Variants in MROH9 observed in about 807,000 individuals in gnomAD.
The protein encoded by MROH9 is maestro heat-like repeat-containing protein family member 9.
Under a neutral mutation model 98.2 loss-of-function variants are expected in MROH9, and 92 were observed. The observed-to-expected ratio is 0.94, with a 90% CI of 0.79 to 1.11. The LOEUF is 1.11. Ranked by LOEUF, MROH9 falls within the 50% of genes most tolerant of loss-of-function variation. The pLI is 0.00. For synonymous variants in MROH9, 397 were observed against 368.9 expected, an observed-to-expected ratio of 1.08 and a Z score of -0.87; for missense variants, 1,057 against 1,014.8, an observed-to-expected ratio of 1.04 and a Z score of -0.57.
At chr1:171,027,275 A>G (rs928532559) in intron 20 of MROH9, among the ~76,000 whole-genome samples, 2 of 151,870 alleles carry the variant, frequency 1.3e-5, no homozygotes, top group Non-Finnish European at 2.9e-5. Context: ...TTGTTGTTCA[A>G]CTCCCACTTA....
chr1:170,997,654 G>T (rs536650902), intron 14 of MROH9, among the ~76,000 whole-genome samples: 2 of 152,236 alleles, frequency 1.3e-5, no homozygotes, highest in Admixed American at 6.5e-5. Context: ...GTCAGTACAA[G>T]TGTGAGGCTG....
chr1:170,977,908 C>T (rs1184114278), intron 8 of MROH9, among the ~76,000 whole-genome samples: 1 of 152,174 alleles, frequency 6.6e-6, no homozygotes, highest in Non-Finnish European at 1.5e-5. Context: ...CTAGGAGTTC[C>T]CTGCCTGGTG....
intron 20 of MROH9, among the ~76,000 whole-genome samples, chr1:171,052,797 G>C (rs1271518888): frequency 6.6e-6 from 1 of 152,164 alleles, no homozygotes; most frequent in Non-Finnish European, 1.5e-5. Flanking sequence ...GAAAGCAAGG[G>C]GTGGTGCAGG....
intron 6 of MROH9, among the ~76,000 whole-genome samples, chr1:170,962,760 C>A (rs1650065550): frequency 6.6e-6 from 1 of 151,708 alleles, no homozygotes; most frequent in Admixed American, 6.6e-5. Flanking sequence ...AAAATGTTAT[C>A]CACTAGCTAG....
intron 10 of MROH9, among the ~76,000 whole-genome samples, chr1:170,987,953 T>A (rs1321032937): frequency 6.6e-6 from 1 of 152,206 alleles, no homozygotes; most frequent in Non-Finnish European, 1.5e-5. Context: ...ATCTTGTTTT[T>A]CCACTGAGCT....
At chr1:171,029,509 T>C (rs928207384) in intron 20 of MROH9, among the ~76,000 whole-genome samples, 4 of 152,200 alleles carry the variant, frequency 2.6e-5, no homozygotes, top group Admixed American at 1.3e-4. Context: ...TGAAGGGATG[T>C]TGAATTTTAT....
intron 11 of MROH9, among the ~76,000 whole-genome samples, chr1:170,990,220 G>C (rs1651303707): frequency 6.6e-6 from 1 of 152,074 alleles, no homozygotes; most frequent in African/African-American, 2.4e-5. Flanking sequence ...AACACAATAG[G>C]CCCACAAGAT....
intron 7 of MROH9, among the ~76,000 whole-genome samples, chr1:170,970,972 T>G (rs1022993048): frequency 1.3e-5 from 2 of 152,200 alleles, no homozygotes; most frequent in Non-Finnish European, 2.9e-5. Context: ...TGCTGCTAGT[T>G]TGCCAAATCT....
At chr1:171,044,373 G>A (rs1026100448) in intron 20 of MROH9, among the ~76,000 whole-genome samples, 6 of 152,052 alleles carry the variant, frequency 3.9e-5, no homozygotes, top group Admixed American at 6.6e-5. Context: ...CTAGTATTTT[G>A]TTGAGGATTT....
chr1:171,004,981 A>T (rs951607167), intron 15 of MROH9, among the ~76,000 whole-genome samples: 10 of 147,582 alleles, frequency 6.8e-5, no homozygotes, highest in Admixed American at 3.4e-4. Context: ...CACAAACCTT[A>T]TTTTTTTTTT....
At chr1:171,043,341 T>C (rs1467434003) in intron 20 of MROH9, among the ~76,000 whole-genome samples, 1 of 152,182 alleles carries the variant, frequency 6.6e-6, no homozygotes, top group East Asian at 1.9e-4. Context: ...TCTGTGTGTC[T>C]GTTTTTATGC....
intron 3 of MROH9, among the ~76,000 whole-genome samples, chr1:170,949,119 G>C (rs1478910346): frequency 6.6e-6 from 1 of 152,058 alleles, no homozygotes; most frequent in Non-Finnish European, 1.5e-5. Context: ...GAGGCAAGGA[G>C]GTTTGGCCTT....
At chr1:171,042,494 G>A (rs376933000) in intron 20 of MROH9, among the ~76,000 whole-genome samples, 9 of 152,206 alleles carry the variant, frequency 5.9e-5, no homozygotes, top group East Asian at 5.8e-4. Flanking sequence ...TTTCTTTTGG[G>A]TATATACCCA....
chr1:171,024,925 G>C (rs187779138), intron 19 of MROH9, among the ~76,000 whole-genome samples, 160 bp downstream of exon 19: 26 of 152,314 alleles, frequency 1.7e-4, no homozygotes, highest in African/African-American at 5.8e-4. Context: ...CTTGAGCCGA[G>C]AGGAATTAGA....
At position 170,971,732 on chromosome 1, in the gene MROH9, T is replaced by A; in HGVS notation, c.481-16T>A. The A allele has an allele frequency of 6.2e-7, 1 of 1,613,652 alleles. No homozygotes were observed. The highest frequency in any genetic ancestry group is 2.2e-5 in the East Asian group (1 of 44,860). On this transcript the variant is annotated splice_polypyrimidine_tract_variant and intron_variant, in intron 7 of 21. Transcript: ENST00000367759. ...TATGCATAGCAAATGCATGTTCTCC[T>A]TTGTTTCTCCATTAGATAAGTGTTG...
At chr1:170,984,988 G>A (rs1423341208) in intron 9 of MROH9, among the ~76,000 whole-genome samples, 1 of 152,140 alleles carries the variant, frequency 6.6e-6, no homozygotes, top group Non-Finnish European at 1.5e-5. Flanking sequence ...TGGAAGCAAA[G>A]CACCATTAAA....
chr1:170,959,385 A>G, intron 4 of MROH9, 77 bp from the exon 5 acceptor site: 1 of 1,317,784 alleles, frequency 7.6e-7, no homozygotes, highest in Non-Finnish European at 1.0e-6. Context: ...AAAATAAATA[A>G]ATAAATAAAT....
At chr1:170,963,843 T>A (rs1286834293) in intron 6 of MROH9, among the ~76,000 whole-genome samples, 1 of 151,812 alleles carries the variant, frequency 6.6e-6, no homozygotes, top group Non-Finnish European at 1.5e-5. Flanking sequence ...AGGGTGGAGG[T>A]TGGGAAGAGA....
chr1:171,064,393 G>A lies in MROH9; in HGVS notation c.*53G>A. 1 of 1,458,374 alleles carries A rather than the reference G, an allele frequency of 6.9e-7. No homozygotes were observed. Among genetic ancestry groups the A allele is most frequent in the Non-Finnish European group, 9.1e-7 (1 of 1,104,128 alleles). The allele number at this position is 1,458,374 out of a possible 1,614,324, so 90.3% of individuals were successfully genotyped here. ...CATAAACAATGGGAAGTCCAACAATGTCTTGGAGCTGACCTTAGAAGAAGA... is the reference window on the plus strand; with the variant it reads ...CATAAACAATGGGAAGTCCAACAATATCTTGGAGCTGACCTTAGAAGAAGA... On this transcript the variant is annotated 3_prime_UTR_variant, in exon 22 of 22. Coordinates refer to ENST00000367759, the MANE Select transcript of MROH9 (RefSeq NM_001163629.2).
Sources: gnomAD v4.1 joint callset for allele counts (sites outside exome capture counted in the v4.1 genomes callset) on GRCh38, gnomAD v4.1.1 for gene constraint, MANE v1.5 for transcripts, NCBI Gene and HGNC (gene_info 2026-07-23, HGNC 2026-07-21) for gene names.